ELMO1: variants seen among roughly 807,000 people sequenced by gnomAD.
The protein encoded by ELMO1 is engulfment and cell motility protein 1.
In ELMO1, 26 loss-of-function variants were observed where a neutral mutation model predicts 98.9. The observed-to-expected ratio is 0.26, with a 90% confidence interval of 0.19 to 0.36. The LOEUF is 0.36. ELMO1 is among the 10% of genes least tolerant of loss of function. The pLI, the probability that ELMO1 is intolerant of heterozygous loss-of-function variation, is 1.00. For synonymous variants in ELMO1, 346 were observed against 346.0 expected (o/e 1.00, Z 0.00); for missense variants, 627 against 935.2 (o/e 0.67, Z 4.30).
chr7:37,302,384 G>GAGCC (rs1798395054), intron 4 of ELMO1, among the ~76,000 whole-genome samples: 1 of 152,056 alleles, frequency 6.6e-6, no homozygotes, highest in African/African-American at 2.4e-5. Flanking sequence ...CTAAGGCTAG[G>GAGCC]TCATAACGAG....
At chr7:37,297,968 AT>A (rs1798129838) in intron 4 of ELMO1, among the ~76,000 whole-genome samples, 1 of 152,182 alleles carries the variant, frequency 6.6e-6, no homozygotes, top group Admixed American at 6.5e-5. Flanking sequence ...GTAGAATGCC[AT>A]TGGTTTTCTC....
chr7:36,855,368 C>A lies in ELMO1; in HGVS notation c.*183G>T, dbSNP rs533256520. ...GTGGAGCCGAGGAACAGAATCAGGG[C>A]GGTGAGCAAGATGCCAGCTAGGGGC... On this transcript the variant is annotated 3_prime_UTR_variant, in exon 22 of 22. Coordinates refer to ENST00000310758, the MANE Select transcript of ELMO1 (RefSeq NM_014800.11). The surrounding 1 kb of genome is among the most constrained non-coding windows in gnomAD (Gnocchi z 4.2). The A allele has an allele frequency of 6.0e-6, 4 of 671,728 alleles. No homozygotes were observed. The highest frequency in any genetic ancestry group is 5.4e-5 in the African/African-American group (3 of 55,412). 41.6% of individuals were successfully genotyped at this position (671,728 alleles called of 1,614,324 possible).
chr7:37,384,836 A>C (rs1802728786), intron 1 of ELMO1, among the ~76,000 whole-genome samples: 1 of 152,206 alleles, frequency 6.6e-6, no homozygotes, highest in Non-Finnish European at 1.5e-5. Context: ...CTTTCACTCT[A>C]ATCTGCAATA....
intron 16 of ELMO1, among the ~76,000 whole-genome samples, chr7:36,943,207 C>T (rs953986086): frequency 7.2e-5 from 11 of 152,238 alleles, no homozygotes; most frequent in Non-Finnish European, 4.4e-5. Flanking sequence ...GCGACACATT[C>T]ATTAAAGTCC....
At chr7:37,039,531 G>C (rs1265831347) in intron 15 of ELMO1, among the ~76,000 whole-genome samples, 1 of 152,202 alleles carries the variant, frequency 6.6e-6, no homozygotes. Context: ...GAAATGCTGA[G>C]AGGGCAGTTT....
At chr7:37,310,056 C>T (rs1360013639) in intron 4 of ELMO1, among the ~76,000 whole-genome samples, 2 of 152,138 alleles carry the variant, frequency 1.3e-5, no homozygotes, top group Non-Finnish European at 2.9e-5. Flanking sequence ...TCTGAGAACC[C>T]AGGGCACTTA....
chr7:37,027,458 A>G (rs1794644765), intron 15 of ELMO1, among the ~76,000 whole-genome samples: 1 of 152,168 alleles, frequency 6.6e-6, no homozygotes, highest in Admixed American at 6.5e-5. Context: ...AGGACTGCAT[A>G]ACATTGTCAA....
chr7:37,130,973 C>G (rs1026899142), intron 14 of ELMO1, among the ~76,000 whole-genome samples: 1 of 152,130 alleles, frequency 6.6e-6, no homozygotes, highest in African/African-American at 2.4e-5. Flanking sequence ...TTGAGCCCAT[C>G]TTTATGTTTC....
intron 15 of ELMO1, among the ~76,000 whole-genome samples, chr7:37,085,237 T>C (rs1441630937): frequency 6.6e-6 from 1 of 152,176 alleles, no homozygotes; most frequent in Non-Finnish European, 1.5e-5. Flanking sequence ...CCCTAACTAC[T>C]GCAGACTCCC....
At chr7:37,141,427 G>A (rs1003005997) in intron 13 of ELMO1, among the ~76,000 whole-genome samples, 3 of 152,072 alleles carry the variant, frequency 2.0e-5, no homozygotes, top group Non-Finnish European at 2.9e-5. Context: ...TACACTGCTC[G>A]GGTGACAGGT....
At chr7:36,934,296 C>A (rs76155650) in intron 16 of ELMO1, among the ~76,000 whole-genome samples, 4,838 of 152,286 alleles carry the variant, frequency 0.032, 107 homozygotes, top group East Asian at 0.078. Context: ...AAGGCTCAGG[C>A]AAGACAGCAG....
chr7:37,112,996 G>A (rs1277780783), intron 14 of ELMO1, among the ~76,000 whole-genome samples: 1 of 152,226 alleles, frequency 6.6e-6, no homozygotes, highest in Non-Finnish European at 1.5e-5. Context: ...AGGGAAGACA[G>A]CAGTGACTCA....
At chr7:37,161,237 C>G (rs1380011153) in intron 13 of ELMO1, among the ~76,000 whole-genome samples, 1 of 152,128 alleles carries the variant, frequency 6.6e-6, no homozygotes, top group African/African-American at 2.4e-5. Flanking sequence ...CTCAAGACAT[C>G]AACTGACCTT....
chr7:37,071,940 A>G (rs900390021), intron 15 of ELMO1, among the ~76,000 whole-genome samples: 1 of 152,086 alleles, frequency 6.6e-6, no homozygotes, highest in South Asian at 2.1e-4. Context: ...ATATTAGTAT[A>G]CTCAATTAAA....
At chr7:37,222,836 T>G in intron 9 of ELMO1, 143 bp from the exon 10 acceptor site, 3 of 664,854 alleles carry the variant, frequency 4.5e-6, no homozygotes, top group East Asian at 2.7e-5. Flanking sequence ...AAAATGCATT[T>G]TGCACTGAGA....
chr7:37,056,388 C>T lies in ELMO1; in HGVS notation c.1300+40231G>A, dbSNP rs766690330. Reference sequence around the variant, plus strand: ...CCATCCTTTAGAATTCCTACTGCAACCTCTTGGCTTAGACAAAGCAGAGCT... The same window carrying T: ...CCATCCTTTAGAATTCCTACTGCAATCTCTTGGCTTAGACAAAGCAGAGCT... On this transcript the variant is annotated intron_variant, in intron 15 of 21. Transcript: ENST00000310758. 6.6e-5 allele frequency among the ~76,000 whole-genome samples: 10 copies of T among 152,290 alleles called. No homozygotes were observed. In the South Asian group the frequency reaches 8.3e-4, roughly 13 times the overall value.
intron 1 of ELMO1, among the ~76,000 whole-genome samples, chr7:37,369,762 A>G (rs1407243059): frequency 6.6e-6 from 1 of 151,870 alleles, no homozygotes; most frequent in African/African-American, 2.4e-5. Context: ...AAAATATAAC[A>G]AAAAAATTTT....
chr7:37,131,081 A>G (rs796667625), intron 14 of ELMO1, among the ~76,000 whole-genome samples: 7 of 152,072 alleles, frequency 4.6e-5, no homozygotes, highest in African/African-American at 1.4e-4. Context: ...GGAGATATCT[A>G]TTGTCAAAGT....
At chr7:37,045,648 T>TA (rs1283862822) in intron 15 of ELMO1, among the ~76,000 whole-genome samples, 4 of 152,130 alleles carry the variant, frequency 2.6e-5, no homozygotes, top group Non-Finnish European at 5.9e-5. Context: ...AGAGGTTTTT[T>TA]AAAAAAATAT....
Sources: allele counts gnomAD v4.1 joint callset (sites outside exome capture counted in the v4.1 genomes callset), GRCh38; gene constraint gnomAD v4.1.1; non-coding constraint Gnocchi (gnomAD v3.1); transcripts MANE v1.5; gene names NCBI Gene and HGNC (gene_info 2026-07-23, HGNC 2026-07-21).